The following KLHL29 variants were observed in gnomAD, a reference collection of about 807,000 sequenced individuals.
The protein encoded by KLHL29 is kelch-like protein 29.
In KLHL29, 21 loss-of-function variants were observed where a neutral mutation model predicts 80.4. That is an observed-to-expected ratio of 0.26 (90% CI 0.19 to 0.38). KLHL29 has a LOEUF of 0.38. Among genes scored for constraint, KLHL29 ranks in the 10% least tolerant of loss-of-function variants. KLHL29 has a pLI of 1.00. For missense variants in KLHL29, 867 were observed against 1,223.9 expected (o/e 0.71, Z 4.35); for synonymous variants, 511 against 526.8 (o/e 0.97, Z 0.41).
chr2:23,689,398 C>G (rs1671437208), intron 6 of KLHL29: 1 of 152,378 alleles, frequency 6.6e-6, no homozygotes, highest in East Asian at 1.9e-4. Flanking sequence ...CAGGCAGCAC[C>G]CCTCAGGGCA....
intron 3 of KLHL29, 136 bp from the exon 4 acceptor site, chr2:23,639,003 C>T (rs1369503938): frequency 1.4e-5 from 11 of 791,926 alleles, no homozygotes; most frequent in Non-Finnish European, 5.6e-6. Context: ...GAGGCTCTGC[C>T]TCTGACCCTG....
intron 2 of KLHL29, among the ~76,000 whole-genome samples, chr2:23,542,574 C>G (rs1409881735): frequency 6.6e-6 from 1 of 152,242 alleles, no homozygotes; most frequent in Admixed American, 6.5e-5. Context: ...AAAGCACATG[C>G]CATCCTCGGG....
At chr2:23,656,611 GAGA>G (rs1358349932) in intron 5 of KLHL29, among the ~76,000 whole-genome samples, 1 of 152,242 alleles carries the variant, frequency 6.6e-6, no homozygotes, top group Non-Finnish European at 1.5e-5. Context: ...GCTGAGAGCT[GAGA>G]AGTTCTTCCA....
intron 2 of KLHL29, among the ~76,000 whole-genome samples, chr2:23,480,277 A>C (rs1257920627): frequency 1.3e-5 from 2 of 152,196 alleles, no homozygotes; most frequent in Non-Finnish European, 2.9e-5. Context: ...ACTTGAGGCC[A>C]GGAGTTCAGG....
intron 1 of KLHL29, among the ~76,000 whole-genome samples, chr2:23,433,820 G>A (rs1481836692): frequency 6.6e-6 from 1 of 152,162 alleles, no homozygotes. Context: ...TCCGGAGGCT[G>A]AGGAGGGAGA....
intron 1 of KLHL29, among the ~76,000 whole-genome samples, chr2:23,428,341 G>A (rs559142254): frequency 2.0e-5 from 3 of 152,340 alleles, no homozygotes; most frequent in African/African-American, 4.8e-5. Flanking sequence ...CCCCAGTGAT[G>A]TTGCGAGGTA....
At chr2:23,689,196 C>T (rs1025158757) in intron 6 of KLHL29, 1 of 152,312 alleles carries the variant, frequency 6.6e-6, no homozygotes. Context: ...TGCAGATCAT[C>T]TGCCCAGCGG....
At chr2:23,461,975 C>CTTTTTTTT (rs1164075132) in intron 1 of KLHL29, among the ~76,000 whole-genome samples, 999 of 79,466 alleles carry the variant, frequency 0.013, 25 homozygotes, top group Admixed American at 0.042. Flanking sequence ...CGGTTTTTGC[C>CTTTTTTTT]ATTTTTTTTT....
intron 2 of KLHL29, among the ~76,000 whole-genome samples, chr2:23,527,239 A>C (rs1666354146): frequency 6.6e-6 from 1 of 151,984 alleles, no homozygotes; most frequent in Non-Finnish European, 1.5e-5. Flanking sequence ...GCTACACTGG[A>C]CCTCTTTCCA....
chr2:23,670,909 ATGCACGCG>A (rs780164969), intron 5 of KLHL29, among the ~76,000 whole-genome samples: 1 of 27,762 alleles, frequency 3.6e-5, no homozygotes, highest in East Asian at 4.6e-3. Context: ...CTCTACACAC[ATGCACGCG>A]CTCTCTCTCT....
intron 5 of KLHL29, among the ~76,000 whole-genome samples, chr2:23,666,998 G>A (rs1232072266): frequency 6.6e-6 from 1 of 152,246 alleles, no homozygotes; most frequent in Non-Finnish European, 1.5e-5. Context: ...AGGGGAGGGG[G>A]CTGTGGTGGG....
At position 23,562,514 on chromosome 2, in the gene KLHL29, G is replaced by A. The variant is rs370997471; in HGVS notation, c.285+33G>A. ...GTGGTGTCATCTCTGAGCAGGAGCC[G>A]GACAGAGGGGCCCTGCCTCCCTGCA... On this transcript the variant is annotated intron_variant, in intron 3 of 13. Coordinates refer to ENST00000486442, the MANE Select transcript of KLHL29 (RefSeq NM_052920.2). This position sits in a 1 kb window ranked among gnomAD's most constrained non-coding sequence, Gnocchi z 4.5. The A allele has an allele frequency of 7.4e-4, 1,136 of 1,530,948 alleles. No individual in the cohort carries two copies. Among genetic ancestry groups the A allele is most frequent in the East Asian group, 4.0e-3 (163 of 40,842 alleles). The allele number at this position is 1,530,948 out of a possible 1,614,324, so 94.8% of individuals were successfully genotyped here.
intron 5 of KLHL29, among the ~76,000 whole-genome samples, chr2:23,674,251 G>A (rs1052579361): frequency 6.3e-5 from 9 of 142,450 alleles, no homozygotes; most frequent in African/African-American, 1.0e-4. Flanking sequence ...CCCTCCCCCC[G>A]CCAGTACCTG....
intron 1 of KLHL29, among the ~76,000 whole-genome samples, chr2:23,441,648 G>T (rs1165690639): frequency 6.6e-6 from 1 of 152,150 alleles, no homozygotes; most frequent in Non-Finnish European, 1.5e-5. Flanking sequence ...GACTGAGGTT[G>T]CAAGATGCAC....
At chr2:23,556,491 A>G (rs548253258) in intron 2 of KLHL29, among the ~76,000 whole-genome samples, 21 of 152,106 alleles carry the variant, frequency 1.4e-4, no homozygotes, top group African/African-American at 4.6e-4. Context: ...AAAAAACAAA[A>G]AAAATACAAA....
At chr2:23,615,917 T>C (rs750205470) in intron 3 of KLHL29, among the ~76,000 whole-genome samples, 7 of 152,142 alleles carry the variant, frequency 4.6e-5, no homozygotes, top group Non-Finnish European at 8.8e-5. Context: ...ATGGCAGATA[T>C]TCCCTCCCCA....
intron 8 of KLHL29, among the ~76,000 whole-genome samples, chr2:23,694,218 A>G (rs1332760831): frequency 1.3e-5 from 2 of 152,184 alleles, no homozygotes; most frequent in Non-Finnish European, 2.9e-5. Context: ...CCGAAAGCCT[A>G]CACCTCTTCC....
At chr2:23,619,899 C>A (rs1669125350) in intron 3 of KLHL29, among the ~76,000 whole-genome samples, 1 of 152,206 alleles carries the variant, frequency 6.6e-6, no homozygotes, top group South Asian at 2.1e-4. Flanking sequence ...CCAAGGAATT[C>A]ATAGTATAAA....
At chr2:23,442,400 C>A (rs943677585) in intron 1 of KLHL29, among the ~76,000 whole-genome samples, 1 of 152,118 alleles carries the variant, frequency 6.6e-6, no homozygotes, top group African/African-American at 2.4e-5. Context: ...GCCCAAGGTC[C>A]TTACAAGTGA....
Sources: gnomAD v4.1 joint callset for allele counts (sites outside exome capture counted in the v4.1 genomes callset) on GRCh38, gnomAD v4.1.1 for gene constraint, Gnocchi (gnomAD v3.1) non-coding constraint, MANE v1.5 for transcripts, NCBI Gene and HGNC (gene_info 2026-07-23, HGNC 2026-07-21) for gene names.